COL5A2: variants seen among roughly 807,000 people sequenced by gnomAD.
The protein encoded by COL5A2 is collagen type V alpha 2 chain, also known as collagen alpha-2(V) chain.
Under a neutral mutation model 208.2 loss-of-function variants are expected in COL5A2, and 23 were observed. The observed-to-expected ratio is 0.11, with a 90% CI of 0.08 to 0.16. The LOEUF is 0.16. COL5A2 is among the 10% of genes least tolerant of loss of function. COL5A2 has a pLI of 1.00. For synonymous variants in COL5A2, 625 were observed against 628.5 expected (o/e 0.99, Z 0.08); for missense variants, 1,590 against 1,956.4 (o/e 0.81, Z 3.53).
At chr2:189,068,911 A>G in intron 18 of COL5A2, 27 bp from the exon 19 acceptor site, 1 of 1,487,316 alleles carries the variant, frequency 6.7e-7, no homozygotes, top group Non-Finnish European at 9.4e-7. Flanking sequence ...GGAAATGTTA[A>G]TTTAAGAAAA....
At chr2:189,074,541 T>C (rs1686354350) in intron 17 of COL5A2, among the ~76,000 whole-genome samples, 1 of 152,170 alleles carries the variant, frequency 6.6e-6, no homozygotes, top group Non-Finnish European at 1.5e-5. Flanking sequence ...TGTTAAAAAT[T>C]TCCAAAACTA....
Position 189,066,890 on chromosome 2 carries a change from G to A in COL5A2, c.1402-108C>T, listed in dbSNP as rs1686164602. 12 of 845,088 alleles carry A rather than the reference G, an allele frequency of 1.4e-5. No individual in the cohort carries two copies. In the South Asian group the frequency reaches 1.6e-4, roughly 12 times the overall value. 52.3% of individuals were successfully genotyped at this position (845,088 alleles called of 1,614,324 possible). On this transcript the variant is annotated intron_variant, in intron 21 of 53. Transcript: ENST00000374866. ...TTAAAAATTCTCTCCAGCTGAGTCG[G>A]TTTTGCATCAGTAGTATAATATAAT...
chr2:189,386,699 G>A, the COL5A2 span, among the ~76,000 whole-genome samples: 2 of 152,094 alleles, frequency 1.3e-5, no homozygotes, highest in African/African-American at 4.8e-5. Flanking sequence ...AGACATACAA[G>A]TGGCCAACAA....
chr2:189,166,901 G>A (rs1317144741), intron 1 of COL5A2, among the ~76,000 whole-genome samples: 3 of 152,180 alleles, frequency 2.0e-5, no homozygotes, highest in East Asian at 1.9e-4. Flanking sequence ...CATGAGGCTC[G>A]GAAAGAAAAG....
chr2:189,221,007 T>C (rs942543153), intron 1 of COL5A2, among the ~76,000 whole-genome samples: 4 of 152,198 alleles, frequency 2.6e-5, no homozygotes, highest in African/African-American at 9.6e-5. Context: ...GGCTGGCCCA[T>C]AATAGGTGTT....
chr2:189,372,449 A>G, the COL5A2 span, among the ~76,000 whole-genome samples: 5 of 152,290 alleles, frequency 3.3e-5, no homozygotes, highest in African/African-American at 4.8e-5. Flanking sequence ...ACAGACATAT[A>G]TCAAGCTCAT....
chr2:189,286,152 GCA>G, the COL5A2 span, among the ~76,000 whole-genome samples: 3 of 151,562 alleles, frequency 2.0e-5, no homozygotes, highest in African/African-American at 7.3e-5. Flanking sequence ...AGGTCAGATT[GCA>G]CAGTTTGGCA....
At chr2:189,205,915 C>T (rs1383310443) in intron 1 of COL5A2, among the ~76,000 whole-genome samples, 1 of 152,058 alleles carries the variant, frequency 6.6e-6, no homozygotes, top group Non-Finnish European at 1.5e-5. Context: ...CTTATTACCC[C>T]ACCAAAATCC....
chr2:189,390,993 T>A, the COL5A2 span, among the ~76,000 whole-genome samples: 1 of 152,198 alleles, frequency 6.6e-6, no homozygotes, highest in Non-Finnish European at 1.5e-5. Context: ...TAATAAAGTT[T>A]TCCTTTTGGT....
intron 1 of COL5A2, among the ~76,000 whole-genome samples, chr2:189,187,968 C>CA (rs71020986): frequency 2.4e-4 from 34 of 139,698 alleles, no homozygotes; most frequent in African/African-American, 8.4e-4. Flanking sequence ...GACTCTGTCT[C>CA]AAAAAAAAAA....
At chr2:189,110,192 G>C (rs1687231475) in intron 2 of COL5A2, 33 bp downstream of exon 2, 1 of 1,408,044 alleles carries the variant, frequency 7.1e-7, no homozygotes, top group South Asian at 1.1e-5. Context: ...TGAGTAACTG[G>C]ATCAATTATG....
chr2:189,210,995 T>C (rs1689206411), intron 1 of COL5A2, among the ~76,000 whole-genome samples: 1 of 152,160 alleles, frequency 6.6e-6, no homozygotes, highest in African/African-American at 2.4e-5. Flanking sequence ...TTATCGCCAT[T>C]AGCAATTAGA....
At chr2:189,046,640 T>C (rs1685673909) in intron 45 of COL5A2, among the ~76,000 whole-genome samples, 1 of 152,170 alleles carries the variant, frequency 6.6e-6, no homozygotes, top group African/African-American at 2.4e-5. Flanking sequence ...AAGCGTTATA[T>C]GAACATGTCT....
At chr2:189,068,204 A>G (rs780360137) in intron 20 of COL5A2, 22 bp downstream of exon 20, 2 of 1,613,108 alleles carry the variant, frequency 1.2e-6, no homozygotes, top group Non-Finnish European at 1.7e-6. Flanking sequence ...TGAGCTTCAC[A>G]TGCCATAAAT....
At chr2:189,436,141 CA>C in the COL5A2 span, among the ~76,000 whole-genome samples, 2 of 152,068 alleles carry the variant, frequency 1.3e-5, no homozygotes, top group Non-Finnish European at 2.9e-5. Flanking sequence ...AACACTTGGG[CA>C]CAGGAAGGGG....
chr2:189,391,440 G>A, the COL5A2 span, among the ~76,000 whole-genome samples: 11 of 152,148 alleles, frequency 7.2e-5, no homozygotes, highest in Admixed American at 2.6e-4. Context: ...TAAATAAAAT[G>A]TTGATTGCTT....
At chr2:189,210,959 T>C (rs1689205325) in intron 1 of COL5A2, among the ~76,000 whole-genome samples, 1 of 152,226 alleles carries the variant, frequency 6.6e-6, no homozygotes, top group Non-Finnish European at 1.5e-5. Context: ...GGATTTTTTT[T>C]TAACTGTAGC....
Position 189,045,836 on chromosome 2 carries a change from C to T in COL5A2, c.3273G>A (p.Val1091=). Residue 1091 remains valine (V), a synonymous_variant, in exon 46 of 54, where the codon GTG becomes GTA. Coordinates refer to ENST00000374866, the MANE Select transcript of COL5A2 (RefSeq NM_000393.5). The part of the protein sequence containing the change: ...SQGAPGTPGP[V]GAPGDAGQRG... ...TTTGTCCTGCATCTCCTGGAGCACC[C>T]ACAGGGCCAGGAGTTCCAGGGGCAC... 1 of 1,614,136 alleles carries T rather than the reference C, an allele frequency of 6.2e-7. No homozygotes were observed. The highest frequency in any genetic ancestry group is 8.5e-7 in the Non-Finnish European group (1 of 1,180,008).
chr2:189,419,173 C>T, the COL5A2 span, among the ~76,000 whole-genome samples: 1 of 152,088 alleles, frequency 6.6e-6, no homozygotes, highest in Non-Finnish European at 1.5e-5. Context: ...AATAATGTCC[C>T]TTATATTGAC....
Sources: gnomAD v4.1 joint callset for allele counts (sites outside exome capture counted in the v4.1 genomes callset) on GRCh38, gnomAD v4.1.1 for gene constraint, MANE v1.5 for transcripts, NCBI Gene and HGNC (gene_info 2026-07-23, HGNC 2026-07-21) for gene names.